Variants in SCAMP5 observed in about 807,000 individuals in gnomAD.
SCAMP5 encodes the protein secretory carrier-associated membrane protein 5.
Under a neutral mutation model 28.3 loss-of-function variants are expected in SCAMP5, and 7 were observed. The ratio of observed to expected loss-of-function variants is 0.25; its 90% confidence interval spans 0.14 to 0.46. The LOEUF (loss-of-function observed/expected upper bound fraction) is 0.46. SCAMP5 is among the 20% of genes least tolerant of loss of function. SCAMP5 has a pLI of 0.99. For missense variants in SCAMP5, 192 were observed against 312.5 expected, an observed-to-expected ratio of 0.61 and a Z score of 2.91; for synonymous variants, 117 against 116.4, an observed-to-expected ratio of 1.00 and a Z score of -0.03.
chr15:75,011,730 G>C (rs1595886633), intron 1 of SCAMP5, 62 bp from the exon 2 acceptor site: 3 of 850,806 alleles, frequency 3.5e-6, no homozygotes, highest in Non-Finnish European at 5.8e-6. Context: ...ATGAGGAGTA[G>C]AGAGGGACTG....
chr15:75,010,168 C>T (rs1467848633), intron 1 of SCAMP5, among the ~76,000 whole-genome samples: 1 of 152,160 alleles, frequency 6.6e-6, no homozygotes, highest in Non-Finnish European at 1.5e-5. Flanking sequence ...ATGGGTCAGC[C>T]AGGCCTCCTG....
Position 75,018,869 on chromosome 15 carries a change from A to G in SCAMP5, c.594A>G (p.Pro198=), listed in dbSNP as rs762239617. 5 of 1,594,856 alleles carry G rather than the reference A, an allele frequency of 3.1e-6. No homozygotes were observed. In the South Asian group the frequency reaches 5.7e-5, roughly 18 times the overall value. The stretch of plus-strand genomic sequence containing the variant: ...GGACCACAGGGGCCTGGAAGAATCC[A>G]CATGTGCAGCAGGCAGCCCAGAACG... ...EEWTTGAWKN[P]HVQQAAQNAA... Residue 198 remains proline, a synonymous_variant, in exon 7 of 7, where the codon CCA becomes CCG. Coordinates refer to ENST00000425597, the MANE Select transcript of SCAMP5 (RefSeq NM_138967.4). The surrounding 1 kb of genome is among the most constrained non-coding windows in gnomAD (Gnocchi z 5.6).
Position 75,019,075 on chromosome 15 carries a change from C to T in SCAMP5, c.*92C>T. On this transcript the variant is annotated 3_prime_UTR_variant, in exon 7 of 7. Coordinates refer to ENST00000425597, the MANE Select transcript of SCAMP5 (RefSeq NM_138967.4). ...TTTGTGGTTACCAAGCAGGGTTCCC[C>T]CTTCCCTTTTCTCCTTCCCTACTTT... 1.2e-6 allele frequency: 1 copy of T among 840,522 alleles called. No homozygotes were observed. The highest frequency in any genetic ancestry group is 2.1e-5 in the South Asian group (1 of 47,650). The allele number at this position is 840,522 out of a possible 1,614,324, so 52.1% of individuals were successfully genotyped here. A position where few individuals can be genotyped will look rare whatever the true frequency, so the allele number is the denominator to read the frequency against.
rs943341681 is a variant in SCAMP5 at position 75,005,837 on chromosome 15, G to A, written c.-48-5955G>A. ...CCTCCCGGGTTCAAGCAATTCTCCTGCCTCAGCCTCCCGAGTAGTTGGGAC... is the reference window on the plus strand; with the variant it reads ...CCTCCCGGGTTCAAGCAATTCTCCTACCTCAGCCTCCCGAGTAGTTGGGAC... On this transcript the variant is annotated intron_variant, in intron 1 of 6. Coordinates refer to ENST00000425597, the MANE Select transcript of SCAMP5 (RefSeq NM_138967.4). Among the ~76,000 whole-genome samples the A allele has an allele frequency of 2.6e-5, 4 of 151,912 alleles. 1 individual carries two copies. The South Asian group carries it at 8.3e-4, about 32-fold the overall frequency.
chr15:75,004,853 TA>T (rs2065741494), intron 1 of SCAMP5, among the ~76,000 whole-genome samples: 5 of 151,994 alleles, frequency 3.3e-5, no homozygotes, highest in Non-Finnish European at 7.4e-5. Flanking sequence ...CTAGTTGTCC[TA>T]AAAATGTCCT....
In SCAMP5 at chr15:75,018,901, T is replaced by G; in HGVS notation, c.626T>G (p.Met209Arg). The change falls in exon 7 of 7, where the codon ATG (methionine) becomes AGG (arginine). Residue 209 changes from methionine to arginine, a missense_variant. Coordinates refer to ENST00000425597, the MANE Select transcript of SCAMP5 (RefSeq NM_138967.4). The surrounding 1 kb of genome is among the most constrained non-coding windows in gnomAD (Gnocchi z 5.6). Reference protein sequence around the residue: ...HVQQAAQNAAMGAAQGAMNQP... With the variant: ...HVQQAAQNAARGAAQGAMNQP... The stretch of plus-strand genomic sequence containing the variant: ...CAGCAGGCAGCCCAGAACGCAGCCA[T>G]GGGGGCAGCCCAGGGTGCCATGAAT... The G allele has an allele frequency of 6.3e-7, 1 of 1,584,576 alleles. No individual in the cohort carries two copies. Among genetic ancestry groups the G allele is most frequent in the Non-Finnish European group, 8.5e-7 (1 of 1,172,082 alleles).
chr15:75,000,284 T>G (rs1035621494), intron 1 of SCAMP5, among the ~76,000 whole-genome samples: 4 of 152,226 alleles, frequency 2.6e-5, no homozygotes, highest in African/African-American at 9.6e-5. Context: ...TAGCTCATTG[T>G]AGCATCCAAC....
At chr15:75,015,532 G>C (rs1049067335) in intron 3 of SCAMP5, among the ~76,000 whole-genome samples, 3 of 152,078 alleles carry the variant, frequency 2.0e-5, no homozygotes, top group African/African-American at 7.2e-5. Flanking sequence ...GGAACCTTGA[G>C]AGCAGCCCAG....
intron 1 of SCAMP5, among the ~76,000 whole-genome samples, chr15:75,008,667 T>G (rs1292732424): frequency 6.6e-6 from 1 of 152,052 alleles, no homozygotes; most frequent in African/African-American, 2.4e-5. Flanking sequence ...GCCTGGCTAA[T>G]TTTTGTATTT....
intron 1 of SCAMP5, among the ~76,000 whole-genome samples, chr15:75,002,404 C>G (rs2065718236): frequency 1.3e-5 from 2 of 151,940 alleles, no homozygotes; most frequent in African/African-American, 4.8e-5. Context: ...AAAATGACCC[C>G]CAGCTGCAGC....
chr15:75,012,617 C>A (rs2065821952), intron 2 of SCAMP5, 60 bp from the exon 3 acceptor site: 2 of 1,599,970 alleles, frequency 1.3e-6, no homozygotes, highest in Admixed American at 1.7e-5. Flanking sequence ...GAAGGATGGG[C>A]GTCTTGGATT....
intron 1 of SCAMP5, among the ~76,000 whole-genome samples, chr15:74,997,512 C>T (rs1235690481): frequency 6.6e-6 from 1 of 152,216 alleles, no homozygotes; most frequent in Non-Finnish European, 1.5e-5. Context: ...TGCCCAATGA[C>T]TGACTCAAAA....
At chr15:75,000,201 C>T (rs1255172771) in intron 1 of SCAMP5, among the ~76,000 whole-genome samples, 1 of 151,932 alleles carries the variant, frequency 6.6e-6, no homozygotes, top group Non-Finnish European at 1.5e-5. Flanking sequence ...TATTAATTAA[C>T]TAATTAGTTT....
intron 2 of SCAMP5, 113 bp downstream of exon 2, chr15:75,011,959 C>A: frequency 1.2e-6 from 1 of 805,836 alleles, no homozygotes; most frequent in Non-Finnish European, 2.0e-6. Context: ...TTCTTTCCAT[C>A]TTACTGTCCC....
intron 1 of SCAMP5, among the ~76,000 whole-genome samples, chr15:74,998,328 C>T (rs140173532): frequency 1.9e-4 from 29 of 152,170 alleles, no homozygotes; most frequent in African/African-American, 6.0e-4. Flanking sequence ...TTGGTTTGGC[C>T]GGCGCGGTGG....
At chr15:74,998,012 A>T (rs2065668744) in intron 1 of SCAMP5, among the ~76,000 whole-genome samples, 1 of 152,168 alleles carries the variant, frequency 6.6e-6, no homozygotes, top group African/African-American at 2.4e-5. Context: ...CATACTGGTG[A>T]GCAGGGAGCC....
chr15:75,017,422 G>C (rs1156505135), intron 4 of SCAMP5, among the ~76,000 whole-genome samples: 2 of 152,110 alleles, frequency 1.3e-5, no homozygotes, highest in Non-Finnish European at 2.9e-5. Flanking sequence ...ATCCATCTAA[G>C]TGCCAATTAG....
intron 1 of SCAMP5, among the ~76,000 whole-genome samples, chr15:75,010,134 T>C (rs1206777286): frequency 2.6e-5 from 4 of 152,218 alleles, no homozygotes; most frequent in Non-Finnish European, 4.4e-5. Flanking sequence ...TTCCTTGGCC[T>C]TAACTTGCCA....
At position 75,020,994 on chromosome 15, in the gene SCAMP5, C is replaced by G. The variant is rs1212904481; in HGVS notation, c.*2011C>G. ...CCCTTTCCCTTCCTCTCCCCTACCC[C>G]AGAACTTTGGCTCCCTTTCCCTTCT... On this transcript the variant is annotated 3_prime_UTR_variant, in exon 7 of 7. Coordinates refer to ENST00000425597, the MANE Select transcript of SCAMP5 (RefSeq NM_138967.4). 6.6e-6 allele frequency: 1 copy of G among 152,634 alleles called. No homozygotes were observed. The highest frequency in any genetic ancestry group is 1.5e-5 in the Non-Finnish European group (1 of 68,342). The allele number at this position is 152,634 out of a possible 1,614,324, so 9.5% of individuals were successfully genotyped here. A position where few individuals can be genotyped will look rare whatever the true frequency, so the allele number is the denominator to read the frequency against.
Sources: gnomAD v4.1 joint callset for allele counts (sites outside exome capture counted in the v4.1 genomes callset) on GRCh38, gnomAD v4.1.1 for gene constraint, Gnocchi (gnomAD v3.1) non-coding constraint, MANE v1.5 for transcripts, NCBI Gene and HGNC (gene_info 2026-07-23, HGNC 2026-07-21) for gene names.